HSPA9: variants seen among roughly 807,000 people sequenced by gnomAD.
The protein encoded by HSPA9 is heat shock protein family A (Hsp70) member 9, also known as stress-70 protein, mitochondrial.
HSPA9 carries 28 observed loss-of-function variants against 81.5 expected under a neutral mutation model. The ratio of observed to expected loss-of-function variants is 0.34; its 90% CI spans 0.25 to 0.47. The LOEUF (loss-of-function observed/expected upper bound fraction) is 0.47, where lower values mean the gene tolerates loss of function less well. HSPA9 is among the 20% of genes least tolerant of loss of function. The pLI is 1.00. For missense variants in HSPA9, 678 were observed against 838.0 expected (o/e 0.81, Z 2.36); for synonymous variants, 293 against 290.4 (o/e 1.01, Z -0.09).
Position 138,555,676 on chromosome 5 carries a change from A to T in HSPA9, c.*361T>A. 3.0e-6 allele frequency: 1 copy of T among 338,404 alleles called. No individual in the cohort carries two copies. Among genetic ancestry groups the T allele is most frequent in the Non-Finnish European group, 5.7e-6 (1 of 176,586 alleles). 21.0% of individuals were successfully genotyped at this position (338,404 alleles called of 1,614,324 possible). ...TCATCCCCATATGTGGTCTCATTTC[A>T]AGTCTATGGATGACTACCTTCATTG... On this transcript the variant is annotated 3_prime_UTR_variant, in exon 17 of 17. Coordinates refer to ENST00000297185, the MANE Select transcript of HSPA9 (RefSeq NM_004134.7).
At chr5:138,571,960 C>CT (rs10694029) in intron 3 of HSPA9, among the ~76,000 whole-genome samples, 1,436 of 100,416 alleles carry the variant, frequency 0.014, 128 homozygotes, top group African/African-American at 0.041. Context: ...CTGCGCCTGG[C>CT]TTTTTTTTTT....
chr5:138,573,353 T>C (rs1750992514), intron 3 of HSPA9, among the ~76,000 whole-genome samples: 1 of 152,128 alleles, frequency 6.6e-6, no homozygotes, highest in Non-Finnish European at 1.5e-5. Context: ...GTTATGTTTT[T>C]GCTGTTTTAG....
In HSPA9 at chr5:138,555,902, C is replaced by T; in HGVS notation, c.*135G>A. 1.4e-6 allele frequency: 1 copy of T among 690,336 alleles called. No individual in the cohort carries two copies. Among genetic ancestry groups the T allele is most frequent in the East Asian group, 2.7e-5 (1 of 36,882 alleles). The allele number at this position is 690,336 out of a possible 1,614,324, so 42.8% of individuals were successfully genotyped here. On this transcript the variant is annotated 3_prime_UTR_variant, in exon 17 of 17. Coordinates refer to ENST00000297185, the MANE Select transcript of HSPA9 (RefSeq NM_004134.7). Reference sequence around the variant, plus strand: ...CACTAGCTAATGGTCACTAAATTTACAAATTAAGGAAATTATATATAGAAT... The same window carrying T: ...CACTAGCTAATGGTCACTAAATTTATAAATTAAGGAAATTATATATAGAAT...
intron 16 of HSPA9, 60 bp downstream of exon 16, chr5:138,556,392 T>G (rs1260199612): frequency 1.3e-6 from 2 of 1,581,940 alleles, no homozygotes; most frequent in African/African-American, 2.7e-5. Flanking sequence ...CCAGTGACAG[T>G]CATCAAGAAC....
At position 138,569,056 on chromosome 5, in the gene HSPA9, G is replaced by A. The variant is rs1750825017; in HGVS notation, c.411-7C>T. The stretch of plus-strand genomic sequence containing the variant: ...TTTAAAGGGAACATTTTTACTGTAA[G>A]ACACAAAAATTCTATTAGAGAAAAC... On this transcript the variant is annotated splice_region_variant and splice_polypyrimidine_tract_variant and intron_variant, in intron 4 of 16. Transcript: ENST00000297185. 1.2e-6 allele frequency: 2 copies of A among 1,613,138 alleles called. No homozygotes were observed. The highest frequency in any genetic ancestry group is 1.7e-6 in the Non-Finnish European group (2 of 1,179,328).
In HSPA9 at chr5:138,568,998, A is replaced by C; in HGVS notation, c.462T>G (p.Val154=). ...GAGAATACAATTTCCCATGAGCCTC[A>C]ACCCAGGCATCACCATTGGAGGCAC... ...IVRASNGDAW[V]EAHGKLYSPS... The change falls in exon 5 of 17, where the codon GTT becomes GTG. Residue 154 remains valine (V), a synonymous_variant. Transcript: ENST00000297185. 1.2e-6 allele frequency: 2 copies of C among 1,613,918 alleles called. No individual in the cohort carries two copies. The highest frequency in any genetic ancestry group is 1.7e-6 in the Non-Finnish European group (2 of 1,179,764).
At chr5:138,558,887 C>G in intron 11 of HSPA9, 1 of 483,838 alleles carries the variant, frequency 2.1e-6, no homozygotes, top group Non-Finnish European at 3.8e-6. Flanking sequence ...AAAGACGCAG[C>G]ATTAGGACAG....
rs764381440 is a variant in HSPA9, at chr5:138,556,875, A to C, written c.1729-9T>G. The C allele has an allele frequency of 3.6e-5, 58 of 1,605,308 alleles. No individual in the cohort carries two copies. The highest frequency in any genetic ancestry group is 4.9e-5 in the Non-Finnish European group (57 of 1,172,332). The stretch of plus-strand genomic sequence containing the variant: ...ACTGCTTCAACTCGTTCCTTAGAGA[A>C]ATTAGAAGTTTAAACGAAGACTTTC... On this transcript the variant is annotated splice_polypyrimidine_tract_variant and intron_variant, in intron 14 of 16. Coordinates refer to ENST00000297185, the MANE Select transcript of HSPA9 (RefSeq NM_004134.7).
chr5:138,568,278 C>T (rs1054545022), intron 5 of HSPA9, among the ~76,000 whole-genome samples: 11 of 152,046 alleles, frequency 7.2e-5, no homozygotes, highest in Non-Finnish European at 1.5e-4. Flanking sequence ...GGATGAATCA[C>T]CTGATTTGTC....
chr5:138,567,788 C>A lies in HSPA9; in HGVS notation c.536-66G>T, dbSNP rs1165319115. 4.4e-6 allele frequency: 5 copies of A among 1,144,124 alleles called. No individual in the cohort carries two copies. The Middle Eastern group carries it at 7.8e-4, about 178-fold the overall frequency. 70.9% of individuals were successfully genotyped at this position (1,144,124 alleles called of 1,614,324 possible). A position where few individuals can be genotyped will look rare whatever the true frequency, so the allele number is the denominator to read the frequency against. On this transcript the variant is annotated intron_variant, in intron 5 of 16. Coordinates refer to ENST00000297185, the MANE Select transcript of HSPA9 (RefSeq NM_004134.7). ...CAGAATTATTAATATAGCCCAACAA[C>A]CTGTGTCATCCTTTTGCAGCCACAG...
At chr5:138,571,187 G>C in intron 3 of HSPA9, 46 bp from the exon 4 acceptor site, 1 of 1,586,796 alleles carries the variant, frequency 6.3e-7, no homozygotes, top group Non-Finnish European at 8.6e-7. Flanking sequence ...AGTTATCACT[G>C]GTATGTTTTT....
chr5:138,564,494 C>T (rs1219449404), intron 9 of HSPA9, among the ~76,000 whole-genome samples: 6 of 152,148 alleles, frequency 3.9e-5, no homozygotes, highest in Admixed American at 6.5e-5. Context: ...AACACTTGGG[C>T]TCAAAAGATT....
chr5:138,567,433 G>A, intron 7 of HSPA9, 22 bp downstream of exon 7: 1 of 1,580,102 alleles, frequency 6.3e-7, no homozygotes, highest in Non-Finnish European at 8.7e-7. Context: ...ATCCAGGTGA[G>A]AAATTTACTG....
rs10694029 is a variant in HSPA9 at position 138,571,960 on chromosome 5, C to CTTTTTTTTTTTTTTT, written c.229-834_229-820dup. Among the ~76,000 whole-genome samples, 22 of 100,440 alleles carry CTTTTTTTTTTTTTTT rather than the reference C, an allele frequency of 2.2e-4. 3 individuals are homozygous for CTTTTTTTTTTTTTTT. The highest frequency in any genetic ancestry group is 8.0e-4 in the African/African-American group (19 of 23,670). The allele number at this position is 100,440 out of a possible 152,430, so 65.9% of individuals were successfully genotyped here. On this transcript the variant is annotated intron_variant, in intron 3 of 16. Transcript: ENST00000297185. Reference sequence around the variant, plus strand: ...TACAGGCTTGAGGCACTGCGCCTGGCTTTTTTTTTTTTTTTTGAGACAGAG... The same window carrying CTTTTTTTTTTTTTTT: ...TACAGGCTTGAGGCACTGCGCCTGGCTTTTTTTTTTTTTTTTTTTTTTTTTTTTTTTGAGACAGAG...
chr5:138,554,596 ATT>A lies in HSPA9; in HGVS notation c.*1439_*1440del, dbSNP rs2127151394. ...CAAATTAAATTGATTTCTTATACTG[ATT>A]TTTGGAAATACAGTAATCTCATTTC... is the stretch of plus-strand genomic sequence containing the variant. On this transcript the variant is annotated 3_prime_UTR_variant, in exon 17 of 17. Transcript: ENST00000297185. Among the ~76,000 whole-genome samples the A allele has an allele frequency of 6.6e-6, 1 of 152,310 alleles. No individual in the cohort carries two copies. Among genetic ancestry groups the A allele is most frequent in the African/African-American group, 2.4e-5 (1 of 41,566 alleles).
chr5:138,564,584 A>T (rs570948798), intron 9 of HSPA9, among the ~76,000 whole-genome samples: 1 of 152,274 alleles, frequency 6.6e-6, no homozygotes, highest in Admixed American at 6.5e-5. Context: ...CTAGTTTTGT[A>T]GAGACGGGGG....
intron 9 of HSPA9, among the ~76,000 whole-genome samples, chr5:138,562,958 A>G (rs1750690191): frequency 6.6e-6 from 1 of 152,214 alleles, no homozygotes; most frequent in Non-Finnish European, 1.5e-5. Flanking sequence ...TATTTAATAA[A>G]TCCCAAATCC....
Position 138,567,023 on chromosome 5 carries a change from A to G in HSPA9, c.857T>C (p.Ile286Thr). 7 of 1,607,368 alleles carry G rather than the reference A, an allele frequency of 4.4e-6. No individual in the cohort carries two copies. The highest frequency in any genetic ancestry group is 1.3e-5 in the African/African-American group (1 of 74,898). The change falls in exon 8 of 17, where the codon ATT (isoleucine) becomes ACT (threonine). Residue 286 changes from isoleucine to threonine, a missense_variant. Physicochemically the swap from Ile to Thr is moderately conservative, Grantham distance 89. Coordinates refer to ENST00000297185, the MANE Select transcript of HSPA9 (RefSeq NM_004134.7). ...EDFDQALLRH[I>T]VKEFKRETGV... ...CACCTCTCTCTTGAACTCCTTCACA[A>G]TGTGCCGTAGCAAGGCCTGGTCAAA...
At chr5:138,568,858 G>A in intron 5 of HSPA9, 67 bp downstream of exon 5, 1 of 1,542,338 alleles carries the variant, frequency 6.5e-7, no homozygotes, top group Admixed American at 1.7e-5. Context: ...TGGAGCACAG[G>A]GAGCTAGTGA....
Sources: allele counts gnomAD v4.1 joint callset (sites outside exome capture counted in the v4.1 genomes callset), GRCh38; gene constraint gnomAD v4.1.1; transcripts MANE v1.5; gene names NCBI Gene and HGNC (gene_info 2026-07-23, HGNC 2026-07-21).